Variants in KCNH4 observed in about 807,000 individuals in gnomAD.
KCNH4 encodes the protein voltage-gated delayed rectifier potassium channel KCNH4.
KCNH4 carries 33 observed loss-of-function variants against 90.7 expected under a neutral mutation model. The observed-to-expected ratio is 0.36, with a 90% confidence interval of 0.28 to 0.49. The LOEUF (loss-of-function observed/expected upper bound fraction) is 0.49. Ranked by LOEUF, KCNH4 falls within the 20% of genes least tolerant of loss-of-function variation. KCNH4 has a pLI of 0.98. For synonymous variants in KCNH4, 551 were observed against 581.7 expected (o/e 0.95, Z 0.76); for missense variants, 1,044 against 1,387.1 (o/e 0.75, Z 3.93).
rs758876576 is a variant in KCNH4 at position 42,162,325 on chromosome 17, C to A, written c.2585-4G>T. 1.1e-5 allele frequency: 18 copies of A among 1,613,560 alleles called. No homozygotes were observed. Among genetic ancestry groups the A allele is most frequent in the Non-Finnish European group, 1.5e-5 (18 of 1,179,660 alleles). ...AATTCTGGGCTGGGCCTGGTCCCTG[C>A]AGGGTGAAGGGATGCAGGTGAGTTC... On this transcript the variant is annotated splice_region_variant and splice_polypyrimidine_tract_variant and intron_variant, in intron 14 of 16. Transcript: ENST00000264661.
chr17:42,162,187 C>T (rs2079753566), intron 15 of KCNH4, 61 bp downstream of exon 15: 1 of 1,442,046 alleles, frequency 6.9e-7, no homozygotes, highest in Non-Finnish European at 9.7e-7. Flanking sequence ...CTCAAGTGAG[C>T]CACGTGTAGG....
chr17:42,172,115 C>T, intron 6 of KCNH4, 120 bp from the exon 7 acceptor site: 2 of 760,882 alleles, frequency 2.6e-6, no homozygotes, highest in Non-Finnish European at 4.4e-6. Flanking sequence ...ACAGGAAAGA[C>T]ATCTTTGCTG....
rs1277016685 is a variant in KCNH4 at position 42,163,636 on chromosome 17, C to G, written c.2447G>C (p.Gly816Ala). The change falls in exon 13 of 17, where the codon GGA becomes GCA. Residue 816 changes from glycine (G) to alanine (A), a missense_variant. Physicochemically the swap from Gly to Ala is moderately conservative, Grantham distance 60. Transcript: ENST00000264661. This position sits in a 1 kb window ranked among gnomAD's most constrained non-coding sequence, Gnocchi z 5.4. ...KPPQLLIPPL[G>A]TFGPPDLSPR... is the part of the protein sequence containing the mutation. Reference sequence around the variant, plus strand: ...ACTGAGGTCCGGAGGTCCAAAGGTTCCCAGTGGGGGAATGAGAAGCTGAGG... The same window carrying G: ...ACTGAGGTCCGGAGGTCCAAAGGTTGCCAGTGGGGGAATGAGAAGCTGAGG... 14 of 1,497,712 alleles carry G rather than the reference C, an allele frequency of 9.3e-6. No homozygotes were observed. Among genetic ancestry groups the G allele is most frequent in the Non-Finnish European group, 1.3e-5 (14 of 1,119,280 alleles). The allele number at this position is 1,497,712 out of a possible 1,614,324, so 92.8% of individuals were successfully genotyped here. A position where few individuals can be genotyped will look rare whatever the true frequency, so the allele number is the denominator to read the frequency against.
In KCNH4 at chr17:42,156,939, T is replaced by G. The variant is rs1365783523; in HGVS notation, c.*489A>C. On this transcript the variant is annotated 3_prime_UTR_variant, in exon 17 of 17. Transcript: ENST00000264661. ...CTATCCAAAAGTGAGCCCAGGGTGTTGGGTGGTAGAGGAGAGCTGGAGACC... is the reference window on the plus strand; with the variant it reads ...CTATCCAAAAGTGAGCCCAGGGTGTGGGGTGGTAGAGGAGAGCTGGAGACC... 1.3e-5 allele frequency: 2 copies of G among 152,240 alleles called. No individual in the cohort carries two copies. The highest frequency in any genetic ancestry group is 4.8e-5 in the African/African-American group (2 of 41,394). 9.4% of individuals were successfully genotyped at this position (152,240 alleles called of 1,614,324 possible). A position where few individuals can be genotyped will look rare whatever the true frequency, so the allele number is the denominator to read the frequency against.
intron 5 of KCNH4, 73 bp from the exon 6 acceptor site, chr17:42,175,809 C>A: frequency 6.4e-7 from 1 of 1,558,514 alleles, no homozygotes; most frequent in Non-Finnish European, 8.8e-7. Flanking sequence ...TGGGAACAAG[C>A]TTTGGAGACT....
chr17:42,179,257 G>A (rs1415445983), intron 1 of KCNH4, among the ~76,000 whole-genome samples: 1 of 152,230 alleles, frequency 6.6e-6, no homozygotes, highest in African/African-American at 2.4e-5. Flanking sequence ...GGGAGTTGGA[G>A]AAGGACCCCA....
chr17:42,166,243 G>A (rs1254554451), intron 10 of KCNH4, 54 bp downstream of exon 10: 11 of 1,529,272 alleles, frequency 7.2e-6, no homozygotes, highest in East Asian at 4.8e-5. Context: ...GTCCTCAGTG[G>A]GGGTTGCGGG....
intron 11 of KCNH4, 134 bp downstream of exon 11, chr17:42,165,315 C>T (rs1218838575): frequency 2.7e-6 from 3 of 1,104,868 alleles, no homozygotes; most frequent in Non-Finnish European, 4.0e-6. Context: ...AGGTAAGGGG[C>T]AATGGAGGAG....
rs141831518 is a variant in KCNH4, at chr17:42,176,101, C to T, written c.782G>A (p.Arg261Gln). The change falls in exon 5 of 17, where the codon CGA becomes CAA. Residue 261 changes from arginine (R) to glutamine (Q), a missense_variant. By Grantham distance (43) the Arg-to-Gln change is conservative (BLOSUM62 1). Around this residue, in one of 4 missense-constraint regions of KCNH4, gnomAD observed 283 missense variants for 378.6 expected, o/e 0.75. Transcript: ENST00000264661. Reference protein sequence around the residue: ...SGDDDTPITSRHTLVSDIAVE... With the variant: ...SGDDDTPITSQHTLVSDIAVE... The stretch of plus-strand genomic sequence containing the variant: ...GGCGATGTCGCTGACAAGGGTGTGT[C>T]GCGAAGTGATGGGGGTGTCATCGTC... The T allele has an allele frequency of 3.0e-5, 49 of 1,613,098 alleles. No homozygotes were observed. In the African/African-American group the frequency reaches 3.5e-4, roughly 11 times the overall value.
intron 15 of KCNH4, among the ~76,000 whole-genome samples, chr17:42,161,430 C>A (rs1277045391): frequency 6.6e-6 from 1 of 152,230 alleles, no homozygotes; most frequent in Non-Finnish European, 1.5e-5. Context: ...CTCCCAGGGG[C>A]TGGGCCTGGT....
rs564072555 is a variant in KCNH4, at chr17:42,157,832, G to T, written c.*310-714C>A. Among the ~76,000 whole-genome samples, 9 of 151,842 alleles carry T rather than the reference G, an allele frequency of 5.9e-5. No homozygotes were observed. In the East Asian group the frequency reaches 1.7e-3, roughly 29 times the overall value. On this transcript the variant is annotated intron_variant, in intron 16 of 16. Transcript: ENST00000264661. ...GTGTCTTGCTATGTTGCCCAGGCTG[G>T]TCTTGAACTCCTGGATTCAAGTCAT...
In KCNH4 at chr17:42,176,338, AG is replaced by A. The variant is rs904478901; in HGVS notation, c.586-42del. On this transcript the variant is annotated intron_variant, in intron 4 of 16. Transcript: ENST00000264661. ...TGGCGGTTGGGGACACTTGAGGGAA[AG>A]AGGAGCCAAGATGGGGGGTGGGAAA... 16 of 1,485,714 alleles carry A rather than the reference AG, an allele frequency of 1.1e-5. No individual in the cohort carries two copies. In the African/African-American group the frequency reaches 1.8e-4, roughly 17 times the overall value. The allele number at this position is 1,485,714 out of a possible 1,614,324, so 92.0% of individuals were successfully genotyped here. A position where few individuals can be genotyped will look rare whatever the true frequency, so the allele number is the denominator to read the frequency against.
Position 42,163,716 on chromosome 17 carries a change from C to T in KCNH4, c.2367G>A (p.Gln789=). The T allele has an allele frequency of 1.3e-6, 2 of 1,523,136 alleles. No individual in the cohort carries two copies. Among genetic ancestry groups the T allele is most frequent in the Non-Finnish European group, 1.8e-6 (2 of 1,139,318 alleles). 94.4% of individuals were successfully genotyped at this position (1,523,136 alleles called of 1,614,324 possible). The change falls in exon 13 of 17, where the codon CAG becomes CAA. Residue 789 remains glutamine, a synonymous_variant. Transcript: ENST00000264661. This position sits in a 1 kb window ranked among gnomAD's most constrained non-coding sequence, Gnocchi z 5.4. ...GGCCGTGAGGGGAGGCACTGTGGCC[C>T]TGGCCAGCCAGGGCAGGGGACAGGG... ...SPSLSPALAG[Q]GHSASPHGPP... is the part of the protein sequence containing the mutation.
At chr17:42,157,541 G>C (rs2079717786) in intron 16 of KCNH4, among the ~76,000 whole-genome samples, 1 of 152,186 alleles carries the variant, frequency 6.6e-6, no homozygotes, top group Non-Finnish European at 1.5e-5. Flanking sequence ...TGGCCACCCA[G>C]CCCAGCTGAT....
Position 42,163,615 on chromosome 17 carries a change from A to G in KCNH4, c.2468T>C (p.Leu823Pro), listed in dbSNP as rs1238954975. 4 of 1,460,016 alleles carry G rather than the reference A, an allele frequency of 2.7e-6. No individual in the cohort carries two copies. The highest frequency in any genetic ancestry group is 3.7e-6 in the Non-Finnish European group (4 of 1,085,278). 90.4% of individuals were successfully genotyped at this position (1,460,016 alleles called of 1,614,324 possible). ...GAGGCTGGCGTCTCACCGGGGACTG[A>G]GGTCCGGAGGTCCAAAGGTTCCCAG... ...PPLGTFGPPD[L>P]SPRIVDGIED... The change falls in exon 13 of 17, where the codon CTC becomes CCC. Residue 823 changes from leucine (L) to proline (P), a missense_variant. Leu to Pro is a moderately conservative substitution (Grantham distance 98). Around this residue, in one of 4 missense-constraint regions of KCNH4, gnomAD observed 441 missense variants for 512.3 expected, o/e 0.86. Coordinates refer to ENST00000264661, the MANE Select transcript of KCNH4 (RefSeq NM_012285.3). This position sits in a 1 kb window ranked among gnomAD's most constrained non-coding sequence, Gnocchi z 5.4.
At position 42,166,492 on chromosome 17, in the gene KCNH4, G is replaced by A; in HGVS notation, c.1645C>T (p.Arg549Trp). 1.2e-6 allele frequency: 2 copies of A among 1,614,038 alleles called. No homozygotes were observed. Among genetic ancestry groups the A allele is most frequent in the Non-Finnish European group, 1.7e-6 (2 of 1,179,940 alleles). The change falls in exon 10 of 17, where the codon CGG (arginine) becomes TGG (tryptophan). Residue 549 changes from arginine to tryptophan, a missense_variant. Arg to Trp is a moderately radical substitution (Grantham distance 101). Coordinates refer to ENST00000264661, the MANE Select transcript of KCNH4 (RefSeq NM_012285.3). ...AACAACGGCAGCTGCAGGATCTCCC[G>A]ATTCAGGTGCATAGCAATGTCAGCT... ...LRADIAMHLN[R>W]EILQLPLFGA...
intron 6 of KCNH4, among the ~76,000 whole-genome samples, chr17:42,173,985 T>G (rs573102657): frequency 6.6e-6 from 1 of 151,528 alleles, no homozygotes; most frequent in African/African-American, 2.4e-5. Context: ...TACAGGGTGA[T>G]CCACTGCGCC....
At chr17:42,167,811 C>CA (rs2062533158) in intron 9 of KCNH4, among the ~76,000 whole-genome samples, 1 of 152,228 alleles carries the variant, frequency 6.6e-6, no homozygotes, top group Non-Finnish European at 1.5e-5. Context: ...CTCACCAACC[C>CA]ATTCCCTCCA....
Position 42,163,954 on chromosome 17 carries a change from C to G in KCNH4, c.2129G>C (p.Arg710Pro). ...FSRSPRLSQP[R>P]SESLGSSSDK... Reference sequence around the variant, plus strand: ...TGAGGAGGAGCCGAGGCTTTCTGAGCGGGGCTGCGGGCAGAGGGGGCAGCT... The same window carrying G: ...TGAGGAGGAGCCGAGGCTTTCTGAGGGGGGCTGCGGGCAGAGGGGGCAGCT... The change falls in exon 13 of 17, where the codon CGC becomes CCC. Residue 710 changes from arginine to proline, a missense_variant. Arg to Pro is a moderately radical substitution (Grantham distance 103, BLOSUM62 -2). This residue lies in a region of KCNH4 where 441 missense variants were observed against 512.3 expected (regional missense o/e 0.86). Coordinates refer to ENST00000264661, the MANE Select transcript of KCNH4 (RefSeq NM_012285.3). The surrounding 1 kb of genome is among the most constrained non-coding windows in gnomAD (Gnocchi z 5.4). 6.5e-7 allele frequency: 1 copy of G among 1,533,936 alleles called. No individual in the cohort carries two copies. Among genetic ancestry groups the G allele is most frequent in the Non-Finnish European group, 8.8e-7 (1 of 1,140,786 alleles).
Sources: gnomAD v4.1 joint callset for allele counts (sites outside exome capture counted in the v4.1 genomes callset) on GRCh38, gnomAD v4.1.1 for gene constraint, gnomAD v4.1.1 regional missense constraint, Gnocchi (gnomAD v3.1) non-coding constraint, MANE v1.5 for transcripts, NCBI Gene and HGNC (gene_info 2026-07-23, HGNC 2026-07-21) for gene names.